TANC2: variants seen among roughly 807,000 people sequenced by gnomAD.
TANC2 encodes the protein protein TANC2.
TANC2 carries 26 observed loss-of-function variants against 210.5 expected under a neutral mutation model. That is an observed-to-expected ratio of 0.12 (90% CI 0.09 to 0.17). The LOEUF (loss-of-function observed/expected upper bound fraction) is 0.17. TANC2 is among the 10% of genes least tolerant of loss of function. The pLI, the probability that TANC2 is intolerant of heterozygous loss-of-function variation, is 1.00. For missense variants in TANC2, 2,129 were observed against 2,608.9 expected, an observed-to-expected ratio of 0.82 and a Z score of 4.01; for synonymous variants, 931 against 967.1, an observed-to-expected ratio of 0.96 and a Z score of 0.69.
chr17:63,388,588 T>C (rs1445128271), intron 15 of TANC2, 47 bp from the exon 16 acceptor site: 4 of 1,521,960 alleles, frequency 2.6e-6, no homozygotes, highest in Admixed American at 2.0e-5. Flanking sequence ...CTGATGCTAC[T>C]TTTTTTTGCT....
chr17:63,387,007 C>T (rs2047803869), intron 15 of TANC2, among the ~76,000 whole-genome samples: 3 of 151,980 alleles, frequency 2.0e-5, no homozygotes, highest in South Asian at 4.2e-4. Context: ...CATGCACCAG[C>T]ATGCCTGGCT....
intron 2 of TANC2, among the ~76,000 whole-genome samples, chr17:63,021,999 G>T (rs1400187807): frequency 6.6e-6 from 1 of 152,122 alleles, no homozygotes; most frequent in Non-Finnish European, 1.5e-5. Context: ...AAAGAGCTTG[G>T]CTGCAATGTG....
At chr17:63,314,552 A>G (rs1298452004) in exon 10 of TANC2, 1 of 1,613,950 alleles carries the variant, frequency 6.2e-7, no homozygotes, top group East Asian at 2.2e-5. Flanking sequence ...AGGAGTAGTG[A>G]TTGTGGGAAA....
chr17:62,980,328 A>G (rs529715153), intron 1 of TANC2, among the ~76,000 whole-genome samples: 6 of 152,218 alleles, frequency 3.9e-5, no homozygotes. Context: ...TTCAGGATCC[A>G]TACAGATGCT....
rs570445700 is a variant in TANC2 at position 63,418,914 on chromosome 17, T to A, written c.4268+507T>A. ...ATCAGACCCCCTTCCACCTAAACCA[T>A]CACCCACCACACACACACAGAGTCA... On this transcript the variant is annotated intron_variant, in intron 27 of 27. Transcript: ENST00000689528. This position sits in a 1 kb window ranked among gnomAD's most constrained non-coding sequence, Gnocchi z 4.6. Among the ~76,000 whole-genome samples, 87 of 152,064 alleles carry A rather than the reference T, an allele frequency of 5.7e-4. No individual in the cohort carries two copies. The highest frequency in any genetic ancestry group is 2.1e-3 in the African/African-American group (87 of 41,466).
At chr17:63,415,630 G>A (rs981882459) in exon 26 of TANC2, 3 of 1,613,656 alleles carry the variant, frequency 1.9e-6, no homozygotes, top group Non-Finnish European at 2.5e-6. Flanking sequence ...GGAACTAAAG[G>A]TGTCTCTCCT....
At chr17:63,187,100 T>C (rs1598562258) in intron 5 of TANC2, among the ~76,000 whole-genome samples, 1 of 152,174 alleles carries the variant, frequency 6.6e-6, no homozygotes, top group African/African-American at 2.4e-5. Context: ...ATAATTGATA[T>C]GATGACTTGA....
chr17:63,116,494 T>C (rs2038256098), intron 4 of TANC2, among the ~76,000 whole-genome samples: 1 of 152,160 alleles, frequency 6.6e-6, no homozygotes, highest in Non-Finnish European at 1.5e-5. Context: ...AAGCATGGAG[T>C]GGACCAGTAA....
chr17:63,325,609 A>G (rs537714025), intron 11 of TANC2, among the ~76,000 whole-genome samples: 2 of 152,302 alleles, frequency 1.3e-5, no homozygotes, highest in South Asian at 2.1e-4. Flanking sequence ...GGTCATAGCT[A>G]TATTACTCAT....
chr17:63,285,944 C>A (rs542763485), intron 9 of TANC2, among the ~76,000 whole-genome samples: 2 of 152,212 alleles, frequency 1.3e-5, no homozygotes, highest in Non-Finnish European at 2.9e-5. Context: ...TCCAAGTTCC[C>A]AGACTCCTGC....
At chr17:62,999,657 G>A (rs1321900895) in intron 1 of TANC2, among the ~76,000 whole-genome samples, 2 of 151,132 alleles carry the variant, frequency 1.3e-5, no homozygotes, top group African/African-American at 4.9e-5. Context: ...ACTATTATTA[G>A]CATCAATGTG....
At chr17:63,183,844 C>T (rs2040877694) in intron 5 of TANC2, among the ~76,000 whole-genome samples, 1 of 152,050 alleles carries the variant, frequency 6.6e-6, no homozygotes, top group African/African-American at 2.4e-5. Flanking sequence ...GGTGAAACCC[C>T]ATCTCTACGA....
chr17:63,041,658 G>C (rs2035191774), intron 2 of TANC2, among the ~76,000 whole-genome samples: 1 of 152,060 alleles, frequency 6.6e-6, no homozygotes, highest in African/African-American at 2.4e-5. Flanking sequence ...AACTTTCTAA[G>C]TAGTATTCTG....
At chr17:63,036,370 A>G (rs1332614217) in intron 2 of TANC2, among the ~76,000 whole-genome samples, 1 of 152,118 alleles carries the variant, frequency 6.6e-6, no homozygotes, top group Non-Finnish European at 1.5e-5. Context: ...TGAAAAGACT[A>G]CACTTTCTCC....
chr17:63,009,543 A>G, exon 2 of TANC2: 1 of 1,609,484 alleles, frequency 6.2e-7, no homozygotes, highest in South Asian at 1.1e-5. Flanking sequence ...ACAGTTTTGC[A>G]GTAGAAGAGT....
intron 1 of TANC2, among the ~76,000 whole-genome samples, chr17:62,979,061 CT>C (rs927716092): frequency 1.1e-3 from 168 of 151,962 alleles, no homozygotes; most frequent in Middle Eastern, 3.4e-3. Flanking sequence ...GATCATAATC[CT>C]TTTTTTTCAT....
intron 1 of TANC2, among the ~76,000 whole-genome samples, chr17:62,969,926 A>G (rs889114409): frequency 6.6e-6 from 1 of 152,216 alleles, no homozygotes; most frequent in African/African-American, 2.4e-5. Context: ...ATGTCAACAA[A>G]TGTTTGTTCA....
intron 2 of TANC2, among the ~76,000 whole-genome samples, chr17:63,041,417 G>GGTT (rs2144263191): frequency 6.6e-6 from 1 of 152,228 alleles, no homozygotes; most frequent in Admixed American, 6.5e-5. Context: ...AGATACAGCA[G>GGTT]CCTCGAAATC....
chr17:63,195,332 C>T (rs2041309026), intron 6 of TANC2, among the ~76,000 whole-genome samples: 1 of 152,192 alleles, frequency 6.6e-6, no homozygotes, highest in Non-Finnish European at 1.5e-5. Context: ...CCTGTGCCTT[C>T]TGCAGTGTTT....
Sources: allele counts gnomAD v4.1 joint callset (sites outside exome capture counted in the v4.1 genomes callset), GRCh38; gene constraint gnomAD v4.1.1; non-coding constraint Gnocchi (gnomAD v3.1); transcripts MANE v1.5; gene names NCBI Gene and HGNC (gene_info 2026-07-23, HGNC 2026-07-21).